The following CDH13 variants were observed in gnomAD, a reference collection of about 807,000 sequenced individuals.
CDH13 encodes cadherin 13.
CDH13 carries 24 observed loss-of-function variants against 63.8 expected under a neutral mutation model. That is an observed-to-expected ratio of 0.38 (90% confidence interval 0.27 to 0.53). The LOEUF is 0.53. CDH13 is among the 20% of genes least tolerant of loss of function. The probability of loss-of-function intolerance (pLI) is 0.85; values close to 1 mark genes in which losing one functional copy is unlikely to be tolerated. For synonymous variants in CDH13, 503 were observed against 355.3 expected (o/e 1.42, Z -4.67); for missense variants, 1,049 against 903.1 (o/e 1.16, Z -2.07).
chr16:82,940,949 C>T (rs1904279765), intron 2 of CDH13, among the ~76,000 whole-genome samples: 1 of 152,178 alleles, frequency 6.6e-6, no homozygotes, highest in African/African-American at 2.4e-5. Flanking sequence ...TCACTGTATG[C>T]TGTAGTGCAA....
intron 6 of CDH13, among the ~76,000 whole-genome samples, chr16:83,433,212 T>TA (rs1219083417): frequency 6.6e-6 from 1 of 152,246 alleles, no homozygotes. Context: ...GGGGTTGCCC[T>TA]GAGTTCTCGT....
chr16:82,811,202 T>A (rs1008315460), intron 1 of CDH13, among the ~76,000 whole-genome samples: 1 of 152,188 alleles, frequency 6.6e-6, no homozygotes, highest in Admixed American at 6.5e-5. Context: ...TTCCAAATTC[T>A]TACTCAGTGA....
At chr16:82,844,662 C>CTTT (rs2039179697) in intron 1 of CDH13, 1 of 124,232 alleles carries the variant, frequency 8.0e-6, no homozygotes, top group Non-Finnish European at 1.6e-5. Flanking sequence ...TTTTTTGAGA[C>CTTT]AGAGTCTCGC....
rs536702382 is a variant in CDH13, at chr16:83,563,768, C to T, written c.961-38686C>T. On this transcript the variant is annotated intron_variant, in intron 7 of 13. Coordinates refer to ENST00000567109, the MANE Select transcript of CDH13 (RefSeq NM_001257.5). ...GCATATAACTCTCCCCAAACCAAAG[C>T]CTCCTGCCCTATTTTCTGCCTTTCC... 9.2e-5 allele frequency among the ~76,000 whole-genome samples: 14 copies of T among 152,248 alleles called. No individual in the cohort carries two copies. The South Asian group carries it at 2.3e-3, about 25-fold the overall frequency.
At chr16:83,562,251 G>A (rs940395024) in intron 7 of CDH13, among the ~76,000 whole-genome samples, 4 of 152,154 alleles carry the variant, frequency 2.6e-5, no homozygotes, top group African/African-American at 9.7e-5. Context: ...ATTCTTGATT[G>A]TGTTAGTGCA....
chr16:82,997,388 T>C (rs1912366554), intron 2 of CDH13, among the ~76,000 whole-genome samples: 1 of 152,198 alleles, frequency 6.6e-6, no homozygotes, highest in Admixed American at 6.5e-5. Flanking sequence ...TGAGGTACTC[T>C]CTTTGGGTCC....
At chr16:82,998,836 C>T (rs897483504) in intron 2 of CDH13, among the ~76,000 whole-genome samples, 3 of 150,604 alleles carry the variant, frequency 2.0e-5, no homozygotes, top group African/African-American at 4.9e-5. Context: ...ACTTAAGAAA[C>T]GCTGCCATGT....
Position 83,142,957 on chromosome 16 carries a change from G to T in CDH13, c.483+17456G>T, listed in dbSNP as rs1197722036. On this transcript the variant is annotated intron_variant, in intron 4 of 13. Coordinates refer to ENST00000567109, the MANE Select transcript of CDH13 (RefSeq NM_001257.5). ...CGTATGTACTGAAAATACAAAATTA[G>T]CTGGGTGTGATGGCACATGCCTGTC... Among the ~76,000 whole-genome samples, 3 of 152,184 alleles carry T rather than the reference G, an allele frequency of 2.0e-5. 1 individual carries two copies. The highest frequency in any genetic ancestry group is 1.3e-4 in the Admixed American group (2 of 15,274).
intron 2 of CDH13, among the ~76,000 whole-genome samples, chr16:82,878,889 G>C (rs1353284102): frequency 6.6e-6 from 1 of 152,060 alleles, no homozygotes; most frequent in Non-Finnish European, 1.5e-5. Context: ...CATTTTCAAA[G>C]GCAGCAGGCA....
At chr16:83,498,605 G>A (rs1301779781) in intron 7 of CDH13, among the ~76,000 whole-genome samples, 2 of 152,180 alleles carry the variant, frequency 1.3e-5, no homozygotes, top group Non-Finnish European at 2.9e-5. Context: ...GGTCAGTAAA[G>A]TGCCCTGGTT....
chr16:82,893,747 G>A (rs72790123), intron 2 of CDH13, among the ~76,000 whole-genome samples: 4,479 of 152,184 alleles, frequency 0.029, 82 homozygotes, highest in South Asian at 0.074. Context: ...CTATTAGCTC[G>A]CTTACGTCTA....
chr16:83,275,124 G>C (rs370589042), intron 5 of CDH13, among the ~76,000 whole-genome samples: 2 of 152,072 alleles, frequency 1.3e-5, no homozygotes, highest in East Asian at 3.9e-4. Flanking sequence ...ACAGTGCCTG[G>C]TACACATTAG....
chr16:83,165,135 T>G (rs897460777), intron 4 of CDH13, among the ~76,000 whole-genome samples: 2 of 151,452 alleles, frequency 1.3e-5, no homozygotes, highest in Non-Finnish European at 2.9e-5. Flanking sequence ...TGTAAGAATT[T>G]AGGAATCCCT....
chr16:83,300,590 C>T (rs1428475517), intron 5 of CDH13, among the ~76,000 whole-genome samples: 1 of 152,216 alleles, frequency 6.6e-6, no homozygotes, highest in African/African-American at 2.4e-5. Context: ...CCATGCCAGG[C>T]AGGGTCTGGG....
intron 2 of CDH13, among the ~76,000 whole-genome samples, chr16:83,027,103 C>T (rs1177877334): frequency 4.3e-5 from 3 of 70,184 alleles, no homozygotes; most frequent in African/African-American, 9.3e-5. Flanking sequence ...AGAAGGGAGA[C>T]CCCCCCCCCC....
chr16:82,763,737 A>T (rs1312695570), intron 1 of CDH13, among the ~76,000 whole-genome samples: 1 of 152,164 alleles, frequency 6.6e-6, no homozygotes, highest in Non-Finnish European at 1.5e-5. Flanking sequence ...AGGCTGGAGC[A>T]CAGTGTGCGA....
intron 5 of CDH13, among the ~76,000 whole-genome samples, chr16:83,343,641 G>T (rs1238716612): frequency 1.3e-5 from 2 of 152,104 alleles, no homozygotes; most frequent in East Asian, 3.8e-4. Context: ...TCTAATTTGG[G>T]CTCTTTTTTG....
chr16:82,708,517 G>A (rs927162017), intron 1 of CDH13, among the ~76,000 whole-genome samples: 14 of 152,130 alleles, frequency 9.2e-5, no homozygotes, highest in African/African-American at 3.1e-4. Context: ...CTCTCCACCA[G>A]CTTCCTCTGA....
chr16:82,767,213 A>C (rs1011750368), intron 1 of CDH13, among the ~76,000 whole-genome samples: 2 of 152,234 alleles, frequency 1.3e-5, no homozygotes, highest in Admixed American at 1.3e-4. Context: ...GAGTTCTAAC[A>C]AATACACACA....
Sources: gnomAD v4.1 joint callset for allele counts (sites outside exome capture counted in the v4.1 genomes callset) on GRCh38, gnomAD v4.1.1 for gene constraint, MANE v1.5 for transcripts, NCBI Gene and HGNC (gene_info 2026-07-23, HGNC 2026-07-21) for gene names.